AQP7B: variants seen among roughly 807,000 people sequenced by gnomAD.
AQP7B encodes the protein putative aquaporin-7B.
At chr2:94,604,601 T>C in the AQP7B span, 2 of 1,532,442 alleles carry the variant, frequency 1.3e-6, no homozygotes, top group Non-Finnish European at 1.8e-6. Flanking sequence ...TCCCATCCCT[T>C]CCCCAATAAA....
the AQP7B span, among the ~76,000 whole-genome samples, chr2:94,599,767 C>T: frequency 2.8e-3 from 430 of 152,288 alleles, 2 homozygotes; most frequent in African/African-American, 9.8e-3. Context: ...TGAAACATCC[C>T]TCCCTTCACC....
At chr2:94,590,992 C>T in the AQP7B span, among the ~76,000 whole-genome samples, 1 of 149,192 alleles carries the variant, frequency 6.7e-6, no homozygotes, top group East Asian at 2.0e-4. Context: ...AAGAAACAGG[C>T]GTTAGTGAGT....
chr2:94,590,401 T>G, the AQP7B span, among the ~76,000 whole-genome samples: 12 of 152,200 alleles, frequency 7.9e-5, no homozygotes, highest in East Asian at 1.2e-3. Flanking sequence ...TTGGCCAGGC[T>G]GGTCTTGAAC....
At chr2:94,600,843 C>A in the AQP7B span, among the ~76,000 whole-genome samples, 192 of 150,632 alleles carry the variant, frequency 1.3e-3, 1 homozygote, top group Non-Finnish European at 1.9e-3. Context: ...TGCACCATTG[C>A]ACTCCGGCTT....
chr2:94,591,176 A>C, the AQP7B span, among the ~76,000 whole-genome samples: 1 of 151,900 alleles, frequency 6.6e-6, no homozygotes, highest in South Asian at 2.1e-4. Flanking sequence ...GCTGTCCTCC[A>C]AATGTGTCTG....
chr2:94,596,232 G>A, the AQP7B span, among the ~76,000 whole-genome samples: 1 of 152,248 alleles, frequency 6.6e-6, no homozygotes, highest in Non-Finnish European at 1.5e-5. Flanking sequence ...GTGTGTGATT[G>A]GGACAGTATC....
At chr2:94,600,071 G>A in the AQP7B span, among the ~76,000 whole-genome samples, 628 of 151,816 alleles carry the variant, frequency 4.1e-3, 4 homozygotes, top group African/African-American at 0.015. Context: ...TAGAGACGGG[G>A]TTTTGTCATG....
At chr2:94,602,288 C>G in the AQP7B span, among the ~76,000 whole-genome samples, 3 of 151,886 alleles carry the variant, frequency 2.0e-5, no homozygotes, top group Non-Finnish European at 4.4e-5. Context: ...CTCAGTGGCT[C>G]AGGACTGAGA....
At chr2:94,601,598 G>A in the AQP7B span, among the ~76,000 whole-genome samples, 1 of 152,190 alleles carries the variant, frequency 6.6e-6, no homozygotes, top group African/African-American at 2.4e-5. Flanking sequence ...GGGGTGCGAG[G>A]GAAGGGGTGA....
chr2:94,603,768 C>A, the AQP7B span: 6 of 1,531,388 alleles, frequency 3.9e-6, no homozygotes, highest in Non-Finnish European at 5.3e-6. Flanking sequence ...ACCAGGAGAA[C>A]AACCCAGCAC....
At chr2:94,602,331 A>C in the AQP7B span, among the ~76,000 whole-genome samples, 4 of 151,938 alleles carry the variant, frequency 2.6e-5, no homozygotes, top group African/African-American at 4.8e-5. Context: ...GGAGGCAGTG[A>C]GGAGGGAAGG....
the AQP7B span, chr2:94,602,918 G>T: frequency 3.2e-6 from 4 of 1,248,242 alleles, no homozygotes; most frequent in Non-Finnish European, 4.4e-6. Context: ...GAGGGCTCAA[G>T]GAGAGAGCTC....
the AQP7B span, among the ~76,000 whole-genome samples, chr2:94,598,765 G>C: frequency 5.3e-5 from 8 of 152,298 alleles, no homozygotes; most frequent in Admixed American, 4.6e-4. Flanking sequence ...CCCTGACACA[G>C]GGAATCATGT....
the AQP7B span, among the ~76,000 whole-genome samples, chr2:94,592,714 A>T: frequency 6.7e-6 from 1 of 149,606 alleles, no homozygotes; most frequent in South Asian, 2.2e-4. Flanking sequence ...GGAACCAAAG[A>T]TTTATTGAAT....
the AQP7B span, chr2:94,602,991 G>T: frequency 1.0e-5 from 16 of 1,558,124 alleles, no homozygotes; most frequent in Middle Eastern, 2.1e-4. Flanking sequence ...TGTCACTGTT[G>T]TTTGTTCTGC....
chr2:94,588,942 C>T, the AQP7B span, among the ~76,000 whole-genome samples: 1 of 151,940 alleles, frequency 6.6e-6, no homozygotes, highest in Non-Finnish European at 1.5e-5. Flanking sequence ...CCCCTGCTCT[C>T]CCTCCTCCAG....
At chr2:94,587,953 G>A in the AQP7B span, among the ~76,000 whole-genome samples, 5 of 152,116 alleles carry the variant, frequency 3.3e-5, no homozygotes, top group East Asian at 1.9e-4. Context: ...AGGGGACTTC[G>A]GGCTACCTTC....
At chr2:94,589,580 C>A in the AQP7B span, among the ~76,000 whole-genome samples, 2 of 152,272 alleles carry the variant, frequency 1.3e-5, no homozygotes, top group East Asian at 1.9e-4. Flanking sequence ...TTACTTATTA[C>A]ATTTCATTGC....
the AQP7B span, chr2:94,594,836 A>G: frequency 7.1e-6 from 11 of 1,550,328 alleles, no homozygotes; most frequent in East Asian, 1.1e-4. Context: ...ATGGTGCGAG[A>G]GTTCTTGGCC....
Sources: gnomAD v4.1 joint callset for allele counts (sites outside exome capture counted in the v4.1 genomes callset) on GRCh38, gnomAD v4.1.1 for gene constraint, MANE v1.5 for transcripts, NCBI Gene and HGNC (gene_info 2026-07-23, HGNC 2026-07-21) for gene names.